Variants in CCDC91 observed in about 807,000 individuals in gnomAD.
CCDC91 encodes coiled-coil domain containing 91.
CCDC91 carries 48 observed loss-of-function variants against 63.2 expected under a neutral mutation model. The observed-to-expected ratio is 0.76, with a 90% CI of 0.60 to 0.97. The LOEUF (loss-of-function observed/expected upper bound fraction) is 0.97, where lower values mean the gene tolerates loss of function less well. Among genes scored for constraint, CCDC91 ranks in the 50% least tolerant of loss-of-function variants. The pLI is 0.00. For missense variants in CCDC91, 500 were observed against 494.6 expected, an observed-to-expected ratio of 1.01 and a Z score of -0.10; for synonymous variants, 167 against 165.8, an observed-to-expected ratio of 1.01 and a Z score of -0.06.
At chr12:28,503,194 G>T (rs551202119) in intron 12 of CCDC91, among the ~76,000 whole-genome samples, 3 of 151,910 alleles carry the variant, frequency 2.0e-5, no homozygotes, top group Admixed American at 6.6e-5. Context: ...TCTGACAAAG[G>T]GCTAATATCC....
chr12:28,529,579 G>C (rs141787723), intron 12 of CCDC91, among the ~76,000 whole-genome samples: 17 of 152,312 alleles, frequency 1.1e-4, no homozygotes, highest in South Asian at 4.1e-4. Flanking sequence ...GGTTAGATGA[G>C]TGCATGCACT....
chr12:28,306,958 T>C lies in CCDC91; in HGVS notation c.471+13T>C. Reference sequence around the variant, plus strand: ...GAGAATTAAACAGGTATATTTACATTTGCCTAAGAAATGTTTGAATTGCAA... The same window carrying C: ...GAGAATTAAACAGGTATATTTACATCTGCCTAAGAAATGTTTGAATTGCAA... On this transcript the variant is annotated intron_variant, in intron 5 of 12. Transcript: ENST00000536442. 6.6e-7 allele frequency: 1 copy of C among 1,518,068 alleles called. No homozygotes were observed. The highest frequency in any genetic ancestry group is 9.1e-7 in the Non-Finnish European group (1 of 1,103,040). 94.0% of individuals were successfully genotyped at this position (1,518,068 alleles called of 1,614,324 possible).
chr12:28,344,688 A>G (rs1483207574), intron 6 of CCDC91, among the ~76,000 whole-genome samples: 3 of 152,182 alleles, frequency 2.0e-5, no homozygotes, highest in Admixed American at 2.0e-4. Flanking sequence ...CATTTTCACA[A>G]TAACCCTGTG....
chr12:28,350,192 C>T (rs1592388401), intron 6 of CCDC91, among the ~76,000 whole-genome samples: 2 of 152,218 alleles, frequency 1.3e-5, no homozygotes, highest in Admixed American at 6.5e-5. Context: ...AACCTATACT[C>T]TTTTTCAGAT....
At chr12:28,393,172 T>G (rs1187134531) in intron 8 of CCDC91, among the ~76,000 whole-genome samples, 5 of 152,138 alleles carry the variant, frequency 3.3e-5, no homozygotes, top group Non-Finnish European at 7.4e-5. Context: ...TTACTATATT[T>G]CAAATGGATT....
chr12:28,446,058 G>A (rs1949483863), intron 8 of CCDC91, among the ~76,000 whole-genome samples: 1 of 152,188 alleles, frequency 6.6e-6, no homozygotes, highest in African/African-American at 2.4e-5. Context: ...CAAGAGCAAG[G>A]CATGGGACTA....
At chr12:28,237,229 T>TACACACACACACACAC (rs1354315062) in intron 1 of CCDC91, among the ~76,000 whole-genome samples, 2 of 23,256 alleles carry the variant, frequency 8.6e-5, no homozygotes, top group Non-Finnish European at 2.6e-4. Flanking sequence ...ACATGTGTAT[T>TACACACACACACACAC]ACACATACAC....
intron 8 of CCDC91, among the ~76,000 whole-genome samples, chr12:28,443,804 A>G (rs1334614705): frequency 6.6e-6 from 1 of 152,212 alleles, no homozygotes; most frequent in African/African-American, 2.4e-5. Context: ...AATAAAAATT[A>G]TTAGACAAAC....
At chr12:28,241,598 C>A (rs769172228) in intron 1 of CCDC91, among the ~76,000 whole-genome samples, 11 of 152,110 alleles carry the variant, frequency 7.2e-5, no homozygotes, top group Admixed American at 1.3e-4. Flanking sequence ...GTGGGGTTTA[C>A]TATTGCAAAC....
chr12:28,320,052 C>T (rs1940326294), intron 6 of CCDC91, among the ~76,000 whole-genome samples: 1 of 151,850 alleles, frequency 6.6e-6, no homozygotes, highest in Admixed American at 6.6e-5. Flanking sequence ...TTGATCTACG[C>T]TAATACCAAG....
At chr12:28,481,706 G>A (rs75753396) in intron 11 of CCDC91, among the ~76,000 whole-genome samples, 6,979 of 151,926 alleles carry the variant, frequency 0.046, 532 homozygotes, top group East Asian at 0.28. Context: ...ATTTATACAC[G>A]AGCAGTTTTT....
At position 28,241,759 on chromosome 12, in the gene CCDC91, G is replaced by A. The variant is rs1303119621; in HGVS notation, c.-14-15443G>A. ...CACCTGTAATCCCAGCACTTGGGAG[G>A]CTGAGGCAGGCAGATCACCTGAGGT... On this transcript the variant is annotated intron_variant, in intron 1 of 12. Transcript: ENST00000536442. 2.0e-5 allele frequency among the ~76,000 whole-genome samples: 3 copies of A among 151,976 alleles called. No individual in the cohort carries two copies. In the South Asian group the frequency reaches 6.2e-4, roughly 32 times the overall value.
chr12:28,288,483 A>G (rs1201079837), intron 3 of CCDC91, among the ~76,000 whole-genome samples: 3 of 109,802 alleles, frequency 2.7e-5, no homozygotes, highest in Non-Finnish European at 3.9e-5. Context: ...TTAGTTCTAT[A>G]TAGGTGATGA....
chr12:28,426,491 AT>A (rs1438435935), intron 8 of CCDC91, among the ~76,000 whole-genome samples: 7 of 151,432 alleles, frequency 4.6e-5, no homozygotes, highest in African/African-American at 1.7e-4. Flanking sequence ...TTTTTGTTTG[AT>A]TTTTTGCCCT....
intron 1 of CCDC91, among the ~76,000 whole-genome samples, chr12:28,213,230 G>A (rs535561062): frequency 6.6e-6 from 1 of 152,242 alleles, no homozygotes; most frequent in African/African-American, 2.4e-5. Flanking sequence ...GAGGAAGTTG[G>A]CATGCAAGAC....
chr12:28,265,207 C>A (rs1170593925), intron 3 of CCDC91, among the ~76,000 whole-genome samples: 1 of 151,958 alleles, frequency 6.6e-6, no homozygotes, highest in Non-Finnish European at 1.5e-5. Flanking sequence ...AGTGTCCTTT[C>A]TAATATGTTT....
intron 12 of CCDC91, among the ~76,000 whole-genome samples, chr12:28,548,821 A>G (rs1943156354): frequency 6.6e-6 from 1 of 152,162 alleles, no homozygotes; most frequent in Non-Finnish European, 1.5e-5. Flanking sequence ...CAAATGTATG[A>G]TATTTCTCTA....
At chr12:28,441,057 C>CAAAAAAAAAAAAAAAAAA (rs60278449) in intron 8 of CCDC91, among the ~76,000 whole-genome samples, 16 of 52,704 alleles carry the variant, frequency 3.0e-4, no homozygotes, top group Admixed American at 7.5e-4. Flanking sequence ...GACTCCATCT[C>CAAAAAAAAAAAAAAAAAA]AAAAAAAAAA....
intron 12 of CCDC91, among the ~76,000 whole-genome samples, chr12:28,501,498 C>T (rs1937862631): frequency 6.6e-6 from 1 of 151,874 alleles, no homozygotes; most frequent in Admixed American, 6.6e-5. Flanking sequence ...TGTTTAAATG[C>T]TGGATTACAT....
Sources: gnomAD v4.1 joint callset for allele counts (sites outside exome capture counted in the v4.1 genomes callset) on GRCh38, gnomAD v4.1.1 for gene constraint, MANE v1.5 for transcripts, NCBI Gene and HGNC (gene_info 2026-07-23, HGNC 2026-07-21) for gene names.